DMD: variants seen among roughly 807,000 people sequenced by gnomAD.
DMD encodes the protein mutant dystrophin.
Under a neutral mutation model 330.1 loss-of-function variants are expected in DMD, and 63 were observed. That is an observed-to-expected ratio of 0.19 (90% CI 0.16 to 0.24). The LOEUF is 0.24. Ranked by LOEUF, DMD falls within the 10% of genes least tolerant of loss-of-function variation. The probability of loss-of-function intolerance (pLI) is 1.00; values close to 1 mark genes in which losing one functional copy is unlikely to be tolerated. For synonymous variants in DMD, 1,223 were observed against 959.8 expected (o/e 1.27, Z -5.07); for missense variants, 3,344 against 2,684.1 (o/e 1.25, Z -5.43).
intron 13 of DMD, among the ~76,000 whole-genome samples, chrX:32,594,019 A>T (rs2055236452): frequency 8.9e-6 from 1 of 111,882 alleles, no homozygotes; most frequent in Non-Finnish European, 1.9e-5. Flanking sequence ...TCTTTCAGAA[A>T]CTCTAAGCAT....
At chrX:31,688,924 T>G (rs180729228) in intron 52 of DMD, among the ~76,000 whole-genome samples, 4 of 111,951 alleles carry the variant, frequency 3.6e-5, no homozygotes, top group East Asian at 2.8e-4. Context: ...CAACAGCCCT[T>G]CATGCTAAAA....
intron 44 of DMD, among the ~76,000 whole-genome samples, chrX:32,032,014 C>G (rs913262214): frequency 9.0e-6 from 1 of 111,390 alleles, no homozygotes; most frequent in Admixed American, 9.5e-5. Flanking sequence ...GTTTTTAACG[C>G]CAATATTATC....
chrX:32,827,419 G>A (rs761928818), intron 4 of DMD, among the ~76,000 whole-genome samples: 8 of 111,089 alleles, frequency 7.2e-5, no homozygotes, highest in South Asian at 3.8e-4. Context: ...TTCAGTGGCA[G>A]ACAGCTACTC....
chrX:32,005,858 A>G (rs1192280704), intron 44 of DMD, among the ~76,000 whole-genome samples: 3 of 111,637 alleles, frequency 2.7e-5, no homozygotes, highest in Non-Finnish European at 5.7e-5. Context: ...AGTATTAAAT[A>G]AGATACCCAT....
intron 60 of DMD, among the ~76,000 whole-genome samples, chrX:31,409,463 G>A (rs1165140598): frequency 8.9e-6 from 1 of 112,461 alleles, no homozygotes; most frequent in South Asian, 3.7e-4. Context: ...CTTTCCAGTG[G>A]GGAAATGGGG....
chrX:31,884,397 G>A (rs2094121751), intron 47 of DMD, among the ~76,000 whole-genome samples: 1 of 111,628 alleles, frequency 9.0e-6, no homozygotes, highest in African/African-American at 3.3e-5. Context: ...GCTAGGCAAA[G>A]AAAGGCAAAT....
At chrX:31,973,361 T>C (rs779870379) in intron 44 of DMD, among the ~76,000 whole-genome samples, 1 of 109,945 alleles carries the variant, frequency 9.1e-6, no homozygotes, top group Non-Finnish European at 1.9e-5. Flanking sequence ...CAGTGAAAAA[T>C]GGCTGAAATA....
chrX:32,146,916 C>T (rs745436217), intron 44 of DMD, among the ~76,000 whole-genome samples: 1 of 112,311 alleles, frequency 8.9e-6, no homozygotes, highest in South Asian at 3.7e-4. Context: ...GACCACAAAA[C>T]CAGAACAACT....
chrX:32,199,780 T>TTG (rs35897988), intron 44 of DMD, among the ~76,000 whole-genome samples: 12,018 of 83,675 alleles, frequency 0.14, 980 homozygotes, highest in African/African-American at 0.23. Context: ...CGCAAGGCTT[T>TTG]TGTGTGTGTG....
intron 47 of DMD, among the ~76,000 whole-genome samples, chrX:31,913,359 CTTTA>C (rs779185172): frequency 3.9e-4 from 44 of 111,716 alleles, no homozygotes; most frequent in Non-Finnish European, 7.3e-4. Context: ...AGAACTTTAT[CTTTA>C]TTTGTTTTTT....
intron 6 of DMD, among the ~76,000 whole-genome samples, chrX:32,811,178 T>TTTAAAAAAA (rs1363211065): frequency 1.2e-5 from 1 of 86,516 alleles, no homozygotes; most frequent in African/African-American, 4.2e-5. Flanking sequence ...TACAACTTAT[T>TTTAAAAAAA]AAAAAAAAAA....
At chrX:32,540,710 T>C (rs1381184942) in intron 17 of DMD, among the ~76,000 whole-genome samples, 1 of 111,969 alleles carries the variant, frequency 8.9e-6, no homozygotes, top group East Asian at 2.8e-4. Flanking sequence ...TAGGCTTCCT[T>C]TGTTTTGACG....
chrX:31,797,023 A>G (rs1377444304), intron 50 of DMD, among the ~76,000 whole-genome samples: 1 of 112,032 alleles, frequency 8.9e-6, no homozygotes, highest in African/African-American at 3.2e-5. Context: ...CCATGAGCCA[A>G]ATAAACCTTC....
intron 18 of DMD, among the ~76,000 whole-genome samples, chrX:32,502,803 G>C (rs1481370792): frequency 1.8e-5 from 2 of 110,398 alleles, no homozygotes; most frequent in Non-Finnish European, 3.8e-5. Flanking sequence ...AATATTTCCA[G>C]GTAAAATACT....
chrX:31,779,193 G>A (rs1392206859), intron 50 of DMD, among the ~76,000 whole-genome samples: 3 of 111,780 alleles, frequency 2.7e-5, no homozygotes, highest in East Asian at 5.6e-4. Context: ...TAGAACGAAC[G>A]GGTAAAGAGT....
chrX:32,185,702 T>C (rs2096943162), intron 44 of DMD, among the ~76,000 whole-genome samples: 1 of 111,105 alleles, frequency 9.0e-6, no homozygotes, highest in Admixed American at 9.6e-5. Flanking sequence ...CGATGCAAAG[T>C]AGAGAGGGCA....
intron 7 of DMD, among the ~76,000 whole-genome samples, chrX:32,729,590 A>G (rs2067290073): frequency 9.0e-6 from 1 of 111,521 alleles, no homozygotes; most frequent in South Asian, 3.8e-4. Context: ...ACATTTCCAC[A>G]TTTCATATAT....
At chrX:32,770,421 A>G (rs1265948077) in intron 7 of DMD, among the ~76,000 whole-genome samples, 1 of 111,939 alleles carries the variant, frequency 8.9e-6, no homozygotes, top group Non-Finnish European at 1.9e-5. Context: ...AATATACATT[A>G]ATACCAAAAG....
chrX:32,559,019 C>T (rs185039615), intron 16 of DMD, among the ~76,000 whole-genome samples: 189 of 91,557 alleles, frequency 2.1e-3, no homozygotes, highest in African/African-American at 7.6e-3. Context: ...GGCATGATCT[C>T]GGCTCACTGC....
Sources: gnomAD v4.1 joint callset for allele counts (sites outside exome capture counted in the v4.1 genomes callset) on GRCh38, gnomAD v4.1.1 for gene constraint, MANE v1.5 for transcripts, NCBI Gene and HGNC (gene_info 2026-07-23, HGNC 2026-07-21) for gene names.